The following AFF3 variants were observed in gnomAD, a reference collection of about 807,000 sequenced individuals.
The protein encoded by AFF3 is ALF transcription elongation factor 3.
A neutral mutation model predicts 129.7 loss-of-function variants in AFF3; 32 were observed. The ratio of observed to expected loss-of-function variants is 0.25; its 90% CI spans 0.19 to 0.33. The LOEUF is 0.33. Among genes scored for constraint, AFF3 ranks in the 10% least tolerant of loss-of-function variants. The probability of loss-of-function intolerance (pLI) is 1.00; values close to 1 mark genes in which losing one functional copy is unlikely to be tolerated. For synonymous variants in AFF3, 644 were observed against 635.4 expected, an observed-to-expected ratio of 1.01 and a Z score of -0.20; for missense variants, 1,373 against 1,592.0, an observed-to-expected ratio of 0.86 and a Z score of 2.34.
rs754626263 is a variant in AFF3 at position 99,594,032 on chromosome 2, T to C, written c.1629A>G (p.Lys543=). 168 of 1,605,344 alleles carry C rather than the reference T, an allele frequency of 1.0e-4. No homozygotes were observed. Among genetic ancestry groups the C allele is most frequent in the Non-Finnish European group, 1.4e-4 (161 of 1,175,004 alleles). The change falls in exon 15 of 25, where the codon AAA becomes AAG. Residue 543 remains lysine (K), a synonymous_variant. Coordinates refer to ENST00000672756, the MANE Select transcript of AFF3 (RefSeq NM_001386135.1). ...PRTANKAPGS[K]GVKQKSPPAA... Reference sequence around the variant, plus strand: ...CGGGCGGGGACTTCTGCTTCACGCCTTTACTCCCAGGGGCCTTGTTGGCTG... The same window carrying C: ...CGGGCGGGGACTTCTGCTTCACGCCCTTACTCCCAGGGGCCTTGTTGGCTG...
rs376721080 is a variant in AFF3 at position 99,806,675 on chromosome 2, T to C, written c.921+30802A>G. On this transcript the variant is annotated intron_variant, in intron 8 of 24. Coordinates refer to ENST00000672756, the MANE Select transcript of AFF3 (RefSeq NM_001386135.1). Reference sequence around the variant, plus strand: ...CTACTAGTCACAGGAGTCCTATCCCTTCTTCATATACCTGTCTCCACGCCC... The same window carrying C: ...CTACTAGTCACAGGAGTCCTATCCCCTCTTCATATACCTGTCTCCACGCCC... 2.9e-4 allele frequency among the ~76,000 whole-genome samples: 44 copies of C among 152,252 alleles called. 1 individual carries two copies. The highest frequency in any genetic ancestry group is 1.7e-3 in the South Asian group (8 of 4,810).
chr2:99,651,683 C>T (rs920931658), intron 12 of AFF3, among the ~76,000 whole-genome samples: 2 of 152,088 alleles, frequency 1.3e-5, no homozygotes, highest in Non-Finnish European at 2.9e-5. Context: ...CTCAAATGAT[C>T]CACCCGCCTC....
intron 7 of AFF3, among the ~76,000 whole-genome samples, chr2:99,926,934 C>T (rs1176914410): frequency 7.2e-5 from 11 of 152,146 alleles, no homozygotes; most frequent in Admixed American, 2.0e-4. Flanking sequence ...ATCTGAAGTG[C>T]GGCATCACAG....
intron 12 of AFF3, among the ~76,000 whole-genome samples, chr2:99,664,566 C>A (rs2104364740): frequency 6.6e-6 from 1 of 152,246 alleles, no homozygotes; most frequent in East Asian, 1.9e-4. Flanking sequence ...TAATCTATAG[C>A]CAATTTAAGA....
At chr2:99,647,690 G>C (rs1684814423) in intron 13 of AFF3, among the ~76,000 whole-genome samples, 1 of 152,160 alleles carries the variant, frequency 6.6e-6, no homozygotes, top group South Asian at 2.1e-4. Flanking sequence ...AACACACAGA[G>C]AAGGTAGCTT....
At chr2:99,793,681 C>T (rs974272265) in intron 8 of AFF3, among the ~76,000 whole-genome samples, 2 of 152,100 alleles carry the variant, frequency 1.3e-5, no homozygotes, top group South Asian at 2.1e-4. Context: ...TTGTTTAGCC[C>T]ACTTAGAACT....
chr2:99,648,907 A>ACTCTCTCTCTCTCTCTCTCT (rs1464965146), intron 13 of AFF3, among the ~76,000 whole-genome samples: 2 of 39,242 alleles, frequency 5.1e-5, no homozygotes, highest in African/African-American at 6.7e-5. Context: ...ACACACACAC[A>ACTCTCTCTCTCTCTCTCTCT]CACACACACA....
chr2:99,992,691 C>T (rs1407811682), intron 7 of AFF3, among the ~76,000 whole-genome samples: 2 of 152,192 alleles, frequency 1.3e-5, no homozygotes, highest in African/African-American at 4.8e-5. Flanking sequence ...TACTAAACAC[C>T]TATTAGATCT....
intron 11 of AFF3, among the ~76,000 whole-genome samples, chr2:99,708,838 C>A (rs1224594823): frequency 6.6e-6 from 1 of 152,064 alleles, no homozygotes; most frequent in African/African-American, 2.4e-5. Flanking sequence ...CCCAGGAGGG[C>A]GACACATAAT....
chr2:100,131,441 A>G (rs1692425382), intron 1 of AFF3, among the ~76,000 whole-genome samples: 1 of 152,148 alleles, frequency 6.6e-6, no homozygotes, highest in Admixed American at 6.5e-5. Context: ...AAGAATAAAT[A>G]AACTTTTTTT....
At chr2:99,880,367 G>A (rs747589311) in intron 7 of AFF3, among the ~76,000 whole-genome samples, 5 of 152,154 alleles carry the variant, frequency 3.3e-5, no homozygotes, top group African/African-American at 7.2e-5. Context: ...CTCACCCTGA[G>A]GCCTCTGATT....
chr2:100,032,998 C>T (rs948682721), intron 4 of AFF3, among the ~76,000 whole-genome samples: 1 of 152,102 alleles, frequency 6.6e-6, no homozygotes, highest in Non-Finnish European at 1.5e-5. Flanking sequence ...GCTTGTTATG[C>T]CTTATCCTCT....
At chr2:100,015,893 G>A (rs1184343117) in intron 4 of AFF3, among the ~76,000 whole-genome samples, 1 of 152,036 alleles carries the variant, frequency 6.6e-6, no homozygotes, top group African/African-American at 2.4e-5. Context: ...GGCAGCAGAA[G>A]TACTGGCAGT....
intron 4 of AFF3, among the ~76,000 whole-genome samples, chr2:100,076,010 T>C (rs1402425329): frequency 6.6e-6 from 1 of 152,154 alleles, no homozygotes; most frequent in Non-Finnish European, 1.5e-5. Flanking sequence ...TAAATCTGGT[T>C]TGTGGACAGG....
intron 11 of AFF3, among the ~76,000 whole-genome samples, chr2:99,673,855 T>C (rs1299034321): frequency 6.6e-6 from 1 of 152,224 alleles, no homozygotes; most frequent in Admixed American, 6.5e-5. Context: ...CTGCCCCACC[T>C]GTCTATGCAT....
chr2:100,103,471 A>G (rs1276858800), intron 4 of AFF3, among the ~76,000 whole-genome samples: 3 of 149,126 alleles, frequency 2.0e-5, no homozygotes, highest in African/African-American at 7.5e-5. Context: ...CAGTAATTTT[A>G]CCACCTGAAT....
Position 99,593,845 on chromosome 2 carries a change from CG to C in AFF3, c.1815del (p.Glu606ArgfsTer40). ...SAGDGANCHR[P>X]EEPAAADALG... ...AGCGCGTCCGCGGCCGCGGGCTCCT[CG>C]GGCCGGTGGCAGTTGGCGCCGTCCC... is the stretch of plus-strand genomic sequence containing the variant. On this transcript the variant is annotated frameshift_variant, in exon 15 of 25. Transcript: ENST00000672756. LOFTEE classifies it high-confidence loss of function. 1 of 1,597,090 alleles carries C rather than the reference CG, an allele frequency of 6.3e-7. No homozygotes were observed. The highest frequency in any genetic ancestry group is 1.1e-5 in the South Asian group (1 of 90,202).
chr2:99,908,249 G>A (rs1038222018), intron 7 of AFF3, among the ~76,000 whole-genome samples: 1 of 152,078 alleles, frequency 6.6e-6, no homozygotes, highest in Non-Finnish European at 1.5e-5. Flanking sequence ...TTTAATAAAT[G>A]GTGCTGGGAA....
At chr2:100,103,363 C>A (rs1338057977) in intron 4 of AFF3, among the ~76,000 whole-genome samples, 1 of 151,000 alleles carries the variant, frequency 6.6e-6, no homozygotes, top group Admixed American at 6.6e-5. Context: ...TAAGCGATTA[C>A]CAGAGGCAGA....
Sources: allele counts gnomAD v4.1 joint callset (sites outside exome capture counted in the v4.1 genomes callset), GRCh38; gene constraint gnomAD v4.1.1; transcripts MANE v1.5; gene names NCBI Gene and HGNC (gene_info 2026-07-23, HGNC 2026-07-21).